MAN2B1: variants seen among roughly 807,000 people sequenced by gnomAD.
The protein encoded by MAN2B1 is mannosidase alpha class 2B member 1.
MAN2B1 carries 99 observed loss-of-function variants against 127.5 expected under a neutral mutation model. The ratio of observed to expected loss-of-function variants is 0.78; its 90% CI spans 0.66 to 0.92. The LOEUF (loss-of-function observed/expected upper bound fraction) is 0.92. MAN2B1 is among the 40% of genes least tolerant of loss of function. MAN2B1 has a pLI of 0.00. For missense variants in MAN2B1, 1,304 were observed against 1,384.8 expected (o/e 0.94, Z 0.93); for synonymous variants, 573 against 568.8 (o/e 1.01, Z -0.11).
At chr19:12,663,970 A>G (rs1422604713) in intron 4 of MAN2B1, 135 bp from the exon 5 acceptor site, 3 of 1,203,582 alleles carry the variant, frequency 2.5e-6, no homozygotes, top group African/African-American at 1.5e-5. Flanking sequence ...GCTCTTGCCT[A>G]TGATCCCAGC....
intron 14 of MAN2B1, among the ~76,000 whole-genome samples, chr19:12,654,822 TACC>T (rs1434632173): frequency 1.3e-5 from 2 of 151,948 alleles, no homozygotes; most frequent in South Asian, 2.1e-4. Context: ...TACAGACGTG[TACC>T]ACCACCCCCA....
chr19:12,650,968 G>T (rs961623844), intron 16 of MAN2B1, among the ~76,000 whole-genome samples: 24 of 147,588 alleles, frequency 1.6e-4, no homozygotes, highest in African/African-American at 5.7e-4. Context: ...CACTGCACCC[G>T]GCCTCTTTTT....
intron 14 of MAN2B1, 76 bp from the exon 15 acceptor site, chr19:12,652,536 CTTT>C (rs71168621): frequency 4.1e-5 from 32 of 779,530 alleles, no homozygotes; most frequent in Admixed American, 1.0e-4. Flanking sequence ...TTTCTTTTTT[CTTT>C]TTTTTTTTTT....
At chr19:12,652,338 C>T (rs755581654) in intron 15 of MAN2B1, 25 bp downstream of exon 15, 1 of 1,610,860 alleles carries the variant, frequency 6.2e-7, no homozygotes, top group Non-Finnish European at 8.5e-7. Flanking sequence ...CCACCCCACC[C>T]TCAGGCCTGG....
chr19:12,663,985 T>C (rs532892566), intron 4 of MAN2B1, 150 bp from the exon 5 acceptor site: 31 of 1,035,280 alleles, frequency 3.0e-5, no homozygotes, highest in Non-Finnish European at 4.5e-5. Flanking sequence ...CCCAGCCTTC[T>C]GGGAGGCCAA....
intron 13 of MAN2B1, 133 bp downstream of exon 13, chr19:12,656,438 A>T: frequency 1.4e-6 from 1 of 705,692 alleles, no homozygotes; most frequent in African/African-American, 1.7e-5. Context: ...CAGAGGGAGA[A>T]GATACAAGAG....
rs2024254219 is a variant in MAN2B1 at position 12,666,645 on chromosome 19, T to C, written c.57A>G (p.Ala19=). 6.4e-7 allele frequency: 1 copy of C among 1,553,874 alleles called. No individual in the cohort carries two copies. Among genetic ancestry groups the C allele is most frequent in the East Asian group, 2.4e-5 (1 of 41,338 alleles). Reference sequence around the variant, plus strand: ...GGGCGCGGGACATGGTCCAGGGGCCTGCTGAGTCCAGGCAGCCGCGAGCGC... The same window carrying C: ...GGGCGCGGGACATGGTCCAGGGGCCCGCTGAGTCCAGGCAGCCGCGAGCGC... ...GVCARGCLDS[A]GPWTMSRALR... The change falls in exon 1 of 24, where the codon GCA becomes GCG. Residue 19 remains alanine, a synonymous_variant. Coordinates refer to ENST00000456935, the MANE Select transcript of MAN2B1 (RefSeq NM_000528.4).
rs1213773335 is a variant in MAN2B1 at position 12,663,738 on chromosome 19, GT to G, written c.727del (p.Thr243ProfsTer3). 1 of 1,613,498 alleles carries G rather than the reference GT, an allele frequency of 6.2e-7. No individual in the cohort carries two copies. Among genetic ancestry groups the G allele is most frequent in the Non-Finnish European group, 8.5e-7 (1 of 1,179,920 alleles). On this transcript the variant is annotated frameshift_variant, in exon 5 of 24. Coordinates refer to ENST00000456935, the MANE Select transcript of MAN2B1 (RefSeq NM_000528.4). LOFTEE classifies it high-confidence loss of function. ...GTCCGCGGTCGGGGGCTTCAGGCTG[GT>G]GCTGGCCCGCCACACCTGCTCCATC... ...LEMEQVWRAS[T>X]SLKPPTADLF... is the part of the protein sequence containing the mutation.
chr19:12,656,473 G>A (rs1211220822), intron 13 of MAN2B1, 98 bp downstream of exon 13: 2 of 804,892 alleles, frequency 2.5e-6, no homozygotes, highest in Non-Finnish European at 4.4e-6. Flanking sequence ...GCATGAGTGG[G>A]AGGTATTCAT....
chr19:12,647,999 G>A lies in MAN2B1; in HGVS notation c.2664+176C>T, dbSNP rs1018471665. Among the ~76,000 whole-genome samples, 4 of 152,144 alleles carry A rather than the reference G, an allele frequency of 2.6e-5. No homozygotes were observed. The highest frequency in any genetic ancestry group is 5.9e-5 in the Non-Finnish European group (4 of 67,998). ...GGCTGTGCCTCTACACAGTCCAGGG[G>A]GGTTGGGACTGGGCTGGCACTGGGC... On this transcript the variant is annotated intron_variant, in intron 21 of 23. Coordinates refer to ENST00000456935, the MANE Select transcript of MAN2B1 (RefSeq NM_000528.4). This position sits in a 1 kb window ranked among gnomAD's most constrained non-coding sequence, Gnocchi z 4.9.
Position 12,649,417 on chromosome 19 carries a change from C to G in MAN2B1, c.2279G>C (p.Arg760Pro), listed in dbSNP as rs771163474. 6.2e-7 allele frequency: 1 copy of G among 1,603,910 alleles called. No homozygotes were observed. Among genetic ancestry groups the G allele is most frequent in the Non-Finnish European group, 8.5e-7 (1 of 1,175,540 alleles). The part of the protein sequence containing the change: ...REILERRRDY[R>P]PTWKLNQTEP... ...CGTCTGGTTCAGTTTCCAGGTGGGT[C>G]GATAATCCCGCCTGGGGTTGGGGGT... is the stretch of plus-strand genomic sequence containing the variant. The change falls in exon 19 of 24, where the codon CGA becomes CCA. Residue 760 changes from arginine (R) to proline (P), a missense_variant. Coordinates refer to ENST00000456935, the MANE Select transcript of MAN2B1 (RefSeq NM_000528.4).
rs764063183 is a variant in MAN2B1 at position 12,647,263 on chromosome 19, C to T, written c.2893G>A (p.Ala965Thr). ...TLVANQLREA[A>T]SRLKWTTNTG... Reference sequence around the variant, plus strand: ...TTTGTTGTCCACTTGAGCCTGGAGGCTGCCTCGCGGAGCTGGTTGGCCACC... The same window carrying T: ...TTTGTTGTCCACTTGAGCCTGGAGGTTGCCTCGCGGAGCTGGTTGGCCACC... The change falls in exon 23 of 24, where the codon GCC (alanine) becomes ACC (threonine). Residue 965 changes from alanine to threonine, a missense_variant. Physicochemically the swap from Ala to Thr is moderately conservative, Grantham distance 58 (BLOSUM62 0). Coordinates refer to ENST00000456935, the MANE Select transcript of MAN2B1 (RefSeq NM_000528.4). This position sits in a 1 kb window ranked among gnomAD's most constrained non-coding sequence, Gnocchi z 4.9. 2.5e-6 allele frequency: 4 copies of T among 1,614,010 alleles called. No individual in the cohort carries two copies. The East Asian group carries it at 8.9e-5, about 36-fold the overall frequency.
Position 12,647,151 on chromosome 19 carries a change from C to CA in MAN2B1, c.2923+81dup. ...CATGACCTTTTTGGGTCCTGGCCAA[C>CA]ATCCCATGCCTCACACATTGCCCCC... On this transcript the variant is annotated intron_variant, in intron 23 of 23. Transcript: ENST00000456935. The surrounding 1 kb of genome is among the most constrained non-coding windows in gnomAD (Gnocchi z 4.9). 7.6e-7 allele frequency: 1 copy of CA among 1,318,658 alleles called. No individual in the cohort carries two copies. Among genetic ancestry groups the CA allele is most frequent in the Non-Finnish European group, 1.1e-6 (1 of 912,620 alleles). The allele number at this position is 1,318,658 out of a possible 1,614,324, so 81.7% of individuals were successfully genotyped here.
At chr19:12,654,701 G>T (rs1220368208) in intron 14 of MAN2B1, among the ~76,000 whole-genome samples, 6 of 152,024 alleles carry the variant, frequency 3.9e-5, no homozygotes, top group Non-Finnish European at 8.8e-5. Context: ...TTGAGACAGG[G>T]TCTCACTTTG....
intron 1 of MAN2B1, 99 bp downstream of exon 1, chr19:12,666,444 T>C (rs1184439820): frequency 3.7e-6 from 5 of 1,344,890 alleles, no homozygotes; most frequent in Non-Finnish European, 5.2e-6. Context: ...TCATCAGCCA[T>C]TCACTAGACA....
At chr19:12,657,782 C>T (rs1044927536) in intron 10 of MAN2B1, 39 of 608,152 alleles carry the variant, frequency 6.4e-5, no homozygotes, top group Middle Eastern at 4.3e-4. Context: ...GGTGAAACCC[C>T]GTCTCTACTA....
chr19:12,664,991 C>G lies in MAN2B1; in HGVS notation c.437-6G>C. 6.2e-7 allele frequency: 1 copy of G among 1,612,548 alleles called. No individual in the cohort carries two copies. Among genetic ancestry groups the G allele is most frequent in the Admixed American group, 1.7e-5 (1 of 60,022 alleles). On this transcript the variant is annotated splice_region_variant and splice_polypyrimidine_tract_variant and intron_variant, in intron 3 of 23. Coordinates refer to ENST00000456935, the MANE Select transcript of MAN2B1 (RefSeq NM_000528.4). ...ATTGGCGAACTCCAGGCGCCCTGTG[C>G]CAGGACAGGCAAGGTCAGGGTCAGC...
chr19:12,655,874 T>TACC lies in MAN2B1; in HGVS notation c.1647_1649dup (p.Val550dup), dbSNP rs1172153095. ...CCTGGCTGTCTGAGCTGGGAAATAT[T>TACC]ACCACCTCGGATAAAGGAGGAGGGA... On this transcript the variant is annotated inframe_insertion, in exon 14 of 24. Transcript: ENST00000456935. The TACC allele has an allele frequency of 1.2e-6, 2 of 1,613,580 alleles. No homozygotes were observed. Among genetic ancestry groups the TACC allele is most frequent in the Non-Finnish European group, 1.7e-6 (2 of 1,179,890 alleles).
chr19:12,665,698 C>G lies in MAN2B1; in HGVS notation c.262+5G>C, dbSNP rs777956527. The G allele has an allele frequency of 1.2e-6, 2 of 1,613,444 alleles. No individual in the cohort carries two copies. On this transcript the variant is annotated splice_donor_5th_base_variant and intron_variant, in intron 2 of 23. Coordinates refer to ENST00000456935, the MANE Select transcript of MAN2B1 (RefSeq NM_000528.4). ...CCCAGGGACCAGTCCCCATCCTCTA[C>G]TCACTTCCATAAAAGTACTGGTCCA...
Sources: allele counts gnomAD v4.1 joint callset (sites outside exome capture counted in the v4.1 genomes callset), GRCh38; gene constraint gnomAD v4.1.1; non-coding constraint Gnocchi (gnomAD v3.1); transcripts MANE v1.5; gene names NCBI Gene and HGNC (gene_info 2026-07-23, HGNC 2026-07-21).